PPP1R9A: variants seen among roughly 807,000 people sequenced by gnomAD.
PPP1R9A encodes protein phosphatase 1 regulatory subunit 9A.
A neutral mutation model predicts 141.9 loss-of-function variants in PPP1R9A; 59 were observed. The observed-to-expected ratio is 0.42, with a 90% CI of 0.34 to 0.52. The LOEUF is 0.52. Ranked by LOEUF, PPP1R9A falls within the 20% of genes least tolerant of loss-of-function variation. The pLI is 0.10. For synonymous variants in PPP1R9A, 500 were observed against 569.7 expected (o/e 0.88, Z 1.74); for missense variants, 1,444 against 1,611.9 (o/e 0.90, Z 1.78).
At chr7:95,204,345 CA>C (rs1438415329) in intron 7 of PPP1R9A, among the ~76,000 whole-genome samples, 4 of 152,088 alleles carry the variant, frequency 2.6e-5, no homozygotes, top group Non-Finnish European at 5.9e-5. Flanking sequence ...ATGTAAAAGG[CA>C]GGCTGATTTA....
intron 2 of PPP1R9A, among the ~76,000 whole-genome samples, chr7:95,038,574 A>G (rs1488771329): frequency 6.6e-6 from 1 of 152,154 alleles, no homozygotes; most frequent in African/African-American, 2.4e-5. Flanking sequence ...GAAAGACTGT[A>G]TCAGAGCCTT....
intron 2 of PPP1R9A, among the ~76,000 whole-genome samples, chr7:94,957,944 A>C (rs1797240499): frequency 6.6e-6 from 1 of 152,136 alleles, no homozygotes; most frequent in South Asian, 2.1e-4. Flanking sequence ...TTTCATAAGC[A>C]GCTTTCTAAT....
At chr7:95,257,460 T>C (rs1799751831) in intron 12 of PPP1R9A, among the ~76,000 whole-genome samples, 1 of 152,092 alleles carries the variant, frequency 6.6e-6, no homozygotes, top group Non-Finnish European at 1.5e-5. Flanking sequence ...AGTCTCAAAT[T>C]TGAAAGACGA....
At chr7:94,916,245 C>T (rs961084177) in intron 2 of PPP1R9A, among the ~76,000 whole-genome samples, 2 of 152,158 alleles carry the variant, frequency 1.3e-5, no homozygotes, top group African/African-American at 4.8e-5. Flanking sequence ...TTTTGTTTAC[C>T]TCTATAATAG....
At chr7:95,100,977 C>G (rs867429099) in intron 2 of PPP1R9A, among the ~76,000 whole-genome samples, 2 of 150,208 alleles carry the variant, frequency 1.3e-5, no homozygotes, top group Non-Finnish European at 3.0e-5. Context: ...CTCAGCCTCC[C>G]GAGTAGCTGG....
chr7:94,922,063 A>G (rs1050083491), intron 2 of PPP1R9A, among the ~76,000 whole-genome samples: 2 of 150,542 alleles, frequency 1.3e-5, no homozygotes, highest in South Asian at 2.1e-4. Context: ...ATTATTTAGG[A>G]TAGATTCCTA....
At position 95,237,685 on chromosome 7, in the gene PPP1R9A, G is replaced by T. The variant is rs552812518; in HGVS notation, c.2113-9788G>T. On this transcript the variant is annotated intron_variant, in intron 8 of 19. Coordinates refer to ENST00000433360, the MANE Select transcript of PPP1R9A (RefSeq NM_001166160.2). ...GTTTTAGATATTTTACATCTTTGTT[G>T]TTAACTGCATATATGTTGAGGATTA... is the stretch of plus-strand genomic sequence containing the variant. Among the ~76,000 whole-genome samples, 28 of 151,944 alleles carry T rather than the reference G, an allele frequency of 1.8e-4. No homozygotes were observed. In the South Asian group the frequency reaches 5.6e-3, roughly 30 times the overall value.
intron 2 of PPP1R9A, among the ~76,000 whole-genome samples, chr7:95,006,717 T>C (rs1219062326): frequency 6.6e-6 from 1 of 152,184 alleles, no homozygotes. Flanking sequence ...AAGAGTACTT[T>C]GCCATATCCC....
At chr7:95,195,247 A>G (rs562944964) in intron 5 of PPP1R9A, among the ~76,000 whole-genome samples, 38 of 152,082 alleles carry the variant, frequency 2.5e-4, no homozygotes, top group African/African-American at 8.7e-4. Flanking sequence ...TAAATCAGGC[A>G]GAGGCTTTTT....
intron 2 of PPP1R9A, among the ~76,000 whole-genome samples, chr7:95,078,272 T>C (rs1238874342): frequency 6.6e-6 from 1 of 151,838 alleles, no homozygotes; most frequent in Non-Finnish European, 1.5e-5. Context: ...ACAATGATGA[T>C]TTCCAATTTC....
intron 2 of PPP1R9A, among the ~76,000 whole-genome samples, chr7:95,039,785 G>A (rs1031212455): frequency 2.6e-5 from 4 of 152,008 alleles, no homozygotes; most frequent in African/African-American, 7.2e-5. Context: ...ATTTTTAAAG[G>A]TGTGACATAC....
At chr7:95,020,284 G>A (rs1052879496) in intron 2 of PPP1R9A, among the ~76,000 whole-genome samples, 4 of 151,974 alleles carry the variant, frequency 2.6e-5, no homozygotes, top group Admixed American at 2.6e-4. Flanking sequence ...TGGTTTCATG[G>A]GAATATATAG....
chr7:95,052,747 C>T (rs987056910), intron 2 of PPP1R9A, among the ~76,000 whole-genome samples: 11 of 152,084 alleles, frequency 7.2e-5, no homozygotes, highest in Non-Finnish European at 1.3e-4. Flanking sequence ...TCTGTGTTCC[C>T]AGTTTTAGTT....
intron 2 of PPP1R9A, among the ~76,000 whole-genome samples, chr7:94,914,025 A>T (rs989957828): frequency 2.0e-4 from 31 of 152,160 alleles, no homozygotes; most frequent in Non-Finnish European, 4.4e-4. Context: ...AATACATGCA[A>T]CCATTTTCTA....
chr7:95,286,587 A>T (rs890844880), intron 18 of PPP1R9A, among the ~76,000 whole-genome samples: 4 of 152,118 alleles, frequency 2.6e-5, no homozygotes, highest in South Asian at 2.1e-4. Context: ...GCAGAGTTAA[A>T]CATGGGGGAA....
intron 2 of PPP1R9A, among the ~76,000 whole-genome samples, chr7:94,987,127 A>G (rs1181023269): frequency 1.3e-5 from 2 of 152,238 alleles, no homozygotes; most frequent in African/African-American, 4.8e-5. Flanking sequence ...TTGATAAAAT[A>G]TCAACCAGAG....
chr7:95,191,931 T>C (rs1230560019), intron 5 of PPP1R9A, among the ~76,000 whole-genome samples: 1 of 152,104 alleles, frequency 6.6e-6, no homozygotes, highest in African/African-American at 2.4e-5. Flanking sequence ...ATGTATAAGA[T>C]ATGAATCATA....
intron 2 of PPP1R9A, among the ~76,000 whole-genome samples, chr7:95,022,400 A>G (rs112570653): frequency 1.3e-5 from 2 of 151,882 alleles, no homozygotes; most frequent in African/African-American, 4.8e-5. Flanking sequence ...GTAAATATAC[A>G]ATATACAATT....
chr7:95,123,343 G>T (rs1009428442), intron 4 of PPP1R9A, among the ~76,000 whole-genome samples: 2 of 152,062 alleles, frequency 1.3e-5, no homozygotes, highest in East Asian at 3.9e-4. Context: ...ATGCCTCAGT[G>T]AATATATTAA....
Sources: gnomAD v4.1 joint callset for allele counts (sites outside exome capture counted in the v4.1 genomes callset) on GRCh38, gnomAD v4.1.1 for gene constraint, MANE v1.5 for transcripts, NCBI Gene and HGNC (gene_info 2026-07-23, HGNC 2026-07-21) for gene names.